ABHD12B: variants seen among roughly 807,000 people sequenced by gnomAD.
The protein encoded by ABHD12B is protein ABHD12B.
ABHD12B carries 42 observed loss-of-function variants against 50.4 expected under a neutral mutation model. The observed-to-expected ratio is 0.83, with a 90% CI of 0.65 to 1.08. ABHD12B has a LOEUF of 1.08. ABHD12B is among the 50% of genes least tolerant of loss of function. The pLI is 0.00. For missense variants in ABHD12B, 479 were observed against 447.7 expected, an observed-to-expected ratio of 1.07 and a Z score of -0.63; for synonymous variants, 167 against 160.3, an observed-to-expected ratio of 1.04 and a Z score of -0.32.
intron 9 of ABHD12B, among the ~76,000 whole-genome samples, chr14:50,899,687 G>T (rs1390657094): frequency 2.0e-5 from 3 of 152,074 alleles, no homozygotes; most frequent in African/African-American, 7.2e-5. Context: ...ACTTTGGGAG[G>T]CTGAGGCAGG....
intron 9 of ABHD12B, among the ~76,000 whole-genome samples, chr14:50,899,857 C>T (rs6572708): frequency 0.21 from 31,707 of 150,026 alleles, 3,761 homozygotes; most frequent in East Asian, 0.45. Context: ...AGGAGGCAGA[C>T]GTTGCAGTGA....
intron 8 of ABHD12B, among the ~76,000 whole-genome samples, chr14:50,887,468 A>G (rs2050058927): frequency 6.6e-6 from 1 of 152,256 alleles, no homozygotes; most frequent in Middle Eastern, 3.4e-3. Flanking sequence ...CCTTATATAG[A>G]GATGCTATAT....
chr14:50,903,270 G>T, intron 10 of ABHD12B, 119 bp from the exon 11 acceptor site: 1 of 707,400 alleles, frequency 1.4e-6, no homozygotes, highest in Non-Finnish European at 2.3e-6. Context: ...TTGGAAGGAA[G>T]GAAAGAAATT....
At chr14:50,899,583 C>G (rs2050238643) in intron 9 of ABHD12B, among the ~76,000 whole-genome samples, 1 of 152,192 alleles carries the variant, frequency 6.6e-6, no homozygotes, top group South Asian at 2.1e-4. Context: ...ACTACCCCCT[C>G]TACCCCTCCT....
At chr14:50,880,335 T>G in intron 3 of ABHD12B, 117 bp from the exon 4 acceptor site, 1 of 1,115,340 alleles carries the variant, frequency 9.0e-7, no homozygotes, top group Non-Finnish European at 1.2e-6. Flanking sequence ...CATGTGCATA[T>G]ATTAGTCGGA....
intron 1 of ABHD12B, among the ~76,000 whole-genome samples, chr14:50,873,035 G>A (rs1034749711): frequency 1.3e-5 from 2 of 152,172 alleles, no homozygotes; most frequent in Non-Finnish European, 1.5e-5. Flanking sequence ...CCCAGGACAC[G>A]TGGGTATTTC....
intron 5 of ABHD12B, among the ~76,000 whole-genome samples, chr14:50,884,687 A>G (rs2050008798): frequency 4.2e-5 from 6 of 143,736 alleles, no homozygotes; most frequent in Admixed American, 2.1e-4. Flanking sequence ...TTCTTTATCT[A>G]TGATTGTATT....
At position 50,888,906 on chromosome 14, in the gene ABHD12B, G is replaced by A. The variant is rs1236202229; in HGVS notation, c.780+3G>A. The A allele has an allele frequency of 1.2e-6, 2 of 1,613,542 alleles. No homozygotes were observed. The highest frequency in any genetic ancestry group is 1.3e-5 in the African/African-American group (1 of 75,036). On this transcript the variant is annotated splice_donor_region_variant and intron_variant, in intron 9 of 12. Transcript: ENST00000337334. ...GTATCAATTATCCCTTGTTAAAGGT[G>A]AGACTCTGATTCATCTTTACAAGGG... is the stretch of plus-strand genomic sequence containing the variant.
chr14:50,896,924 T>C (rs1475867680), intron 9 of ABHD12B, among the ~76,000 whole-genome samples: 1 of 152,218 alleles, frequency 6.6e-6, no homozygotes, highest in Non-Finnish European at 1.5e-5. Context: ...CTGCTTGCTT[T>C]TTCAGTTACT....
rs187100872 is a variant in ABHD12B, at chr14:50,872,360, C to G, written c.104+82C>G. 72 of 1,027,706 alleles carry G rather than the reference C, an allele frequency of 7.0e-5. No homozygotes were observed. The East Asian group carries it at 2.3e-3, about 33-fold the overall frequency. The allele number at this position is 1,027,706 out of a possible 1,614,324, so 63.7% of individuals were successfully genotyped here. ...ATGGGGCAGGGGGCCAGGGCGCGGC[C>G]GAGGCCGCAATCCCCTCTGCTGGCC... On this transcript the variant is annotated intron_variant, in intron 1 of 12. Coordinates refer to ENST00000337334, the MANE Select transcript of ABHD12B (RefSeq NM_001206673.2).
intron 9 of ABHD12B, among the ~76,000 whole-genome samples, chr14:50,899,843 AC>A (rs1024622383): frequency 1.3e-5 from 2 of 150,720 alleles, no homozygotes; most frequent in Non-Finnish European, 3.0e-5. Context: ...AATTGCTTGA[AC>A]CCAGGAGGCA....
In ABHD12B at chr14:50,886,783, A is replaced by G; in HGVS notation, c.700+99A>G. 12 of 1,040,492 alleles carry G rather than the reference A, an allele frequency of 1.2e-5. No individual in the cohort carries two copies. The South Asian group carries it at 1.8e-4, about 16-fold the overall frequency. The allele number at this position is 1,040,492 out of a possible 1,614,324, so 64.5% of individuals were successfully genotyped here. On this transcript the variant is annotated intron_variant, in intron 8 of 12. Coordinates refer to ENST00000337334, the MANE Select transcript of ABHD12B (RefSeq NM_001206673.2). ...TGTACACTTTGAACATATAGACACC[A>G]AAAGCATCCCAACTTTAGATGGTTT...
At chr14:50,878,476 A>T (rs1397597944) in intron 2 of ABHD12B, among the ~76,000 whole-genome samples, 2 of 152,242 alleles carry the variant, frequency 1.3e-5, no homozygotes, top group African/African-American at 4.8e-5. Context: ...AAAAAGCTGG[A>T]GACAAGGATA....
intron 12 of ABHD12B, 63 bp from the exon 13 acceptor site, chr14:50,904,276 T>A (rs2050302555): frequency 1.9e-6 from 3 of 1,613,778 alleles, no homozygotes; most frequent in Non-Finnish European, 2.5e-6. Context: ...CATGAAAATG[T>A]ATAATATTTT....
At position 50,878,857 on chromosome 14, in the gene ABHD12B, C is replaced by A; in HGVS notation, c.335+10C>A. On this transcript the variant is annotated intron_variant, in intron 3 of 12. Transcript: ENST00000337334. ...TGATGCTAGGGATCTGGTGAGTGCA[C>A]GGATGGGACACCGGGTTGCTTGATG... is the stretch of plus-strand genomic sequence containing the variant. 6.2e-7 allele frequency: 1 copy of A among 1,609,760 alleles called. No homozygotes were observed. Among genetic ancestry groups the A allele is most frequent in the Non-Finnish European group, 8.5e-7 (1 of 1,176,180 alleles).
chr14:50,904,494 C>T lies in ABHD12B; in HGVS notation c.*128C>T. ...AGGCCATTGACTTCTCTACAAATCACTTGCCATTTTAACAACAGAAAGTAC... is the reference window on the plus strand; with the variant it reads ...AGGCCATTGACTTCTCTACAAATCATTTGCCATTTTAACAACAGAAAGTAC... On this transcript the variant is annotated 3_prime_UTR_variant, in exon 13 of 13. Coordinates refer to ENST00000337334, the MANE Select transcript of ABHD12B (RefSeq NM_001206673.2). The T allele has an allele frequency of 8.4e-7, 1 of 1,191,034 alleles. No individual in the cohort carries two copies. The highest frequency in any genetic ancestry group is 1.2e-6 in the Non-Finnish European group (1 of 813,204). The allele number at this position is 1,191,034 out of a possible 1,614,324, so 73.8% of individuals were successfully genotyped here.
At chr14:50,895,959 T>G (rs2050193121) in intron 9 of ABHD12B, among the ~76,000 whole-genome samples, 1 of 152,214 alleles carries the variant, frequency 6.6e-6, no homozygotes, top group Non-Finnish European at 1.5e-5. Context: ...AACTAAATTA[T>G]CTGCTTCCCT....
At chr14:50,875,560 A>C (rs1245701155) in intron 1 of ABHD12B, among the ~76,000 whole-genome samples, 2 of 152,188 alleles carry the variant, frequency 1.3e-5, no homozygotes, top group Non-Finnish European at 2.9e-5. Flanking sequence ...GTGAAAGAAC[A>C]CCAAAGCACC....
intron 9 of ABHD12B, among the ~76,000 whole-genome samples, chr14:50,897,927 A>G (rs2050216667): frequency 6.6e-6 from 1 of 152,206 alleles, no homozygotes; most frequent in Non-Finnish European, 1.5e-5. Context: ...AGGAAAAGGC[A>G]GGGAGAATTC....
Sources: allele counts gnomAD v4.1 joint callset (sites outside exome capture counted in the v4.1 genomes callset), GRCh38; gene constraint gnomAD v4.1.1; transcripts MANE v1.5; gene names NCBI Gene and HGNC (gene_info 2026-07-23, HGNC 2026-07-21).